ASCC2: variants seen among roughly 807,000 people sequenced by gnomAD.
ASCC2 encodes the protein activating signal cointegrator 1 complex subunit 2.
A neutral mutation model predicts 93.5 loss-of-function variants in ASCC2; 42 were observed. The observed-to-expected ratio is 0.45, with a 90% CI of 0.35 to 0.58. The LOEUF (loss-of-function observed/expected upper bound fraction) is 0.58. Ranked by LOEUF, ASCC2 falls within the 20% of genes least tolerant of loss-of-function variation. The pLI, the probability that ASCC2 is intolerant of heterozygous loss-of-function variation, is 0.00. For missense variants in ASCC2, 859 were observed against 977.6 expected (o/e 0.88, Z 1.62); for synonymous variants, 364 against 384.2 (o/e 0.95, Z 0.62).
intron 1 of ASCC2, 38 bp downstream of exon 1, chr22:29,838,140 C>A: frequency 2.2e-6 from 1 of 461,242 alleles, no homozygotes; most frequent in South Asian, 1.5e-5. Context: ...TCCGGGGTCC[C>A]TTGCCCTGCA....
chr22:29,821,958 C>T (rs1318933116), intron 5 of ASCC2: 1 of 449,862 alleles, frequency 2.2e-6, no homozygotes, highest in Non-Finnish European at 4.4e-6. Context: ...ATGATTGCGC[C>T]ACTGCACTCT....
At chr22:29,794,861 C>A (rs868558756) in intron 15 of ASCC2, among the ~76,000 whole-genome samples, 2 of 152,132 alleles carry the variant, frequency 1.3e-5, no homozygotes, top group South Asian at 2.1e-4. Flanking sequence ...TCTATGGCCA[C>A]ACGCCTATGC....
chr22:29,837,237 T>TG, intron 1 of ASCC2, among the ~76,000 whole-genome samples: 1 of 149,768 alleles, frequency 6.7e-6, no homozygotes, highest in East Asian at 2.0e-4. Flanking sequence ...GAGACCATCC[T>TG]GGCTAGCAAG....
At chr22:29,795,936 A>G (rs961428001) in intron 15 of ASCC2, among the ~76,000 whole-genome samples, 12 of 151,964 alleles carry the variant, frequency 7.9e-5, no homozygotes, top group East Asian at 7.7e-4. Context: ...AAAAAAAAAA[A>G]GAAAAGACAC....
chr22:29,829,326 C>T (rs1441520852), intron 2 of ASCC2, among the ~76,000 whole-genome samples: 1 of 152,218 alleles, frequency 6.6e-6, no homozygotes, highest in Admixed American at 6.5e-5. Flanking sequence ...TTGTAGGTGT[C>T]TGGAGGCAGT....
chr22:29,803,263 C>A (rs201194993), intron 13 of ASCC2, among the ~76,000 whole-genome samples: 4 of 136,178 alleles, frequency 2.9e-5, no homozygotes, highest in African/African-American at 8.5e-5. Flanking sequence ...AAAAAAAAAA[C>A]AAAAAACAAA....
At position 29,802,311 on chromosome 22, in the gene ASCC2, G is replaced by A. The variant is rs1601892711; in HGVS notation, c.1354-103C>T. On this transcript the variant is annotated intron_variant, in intron 13 of 19. Coordinates refer to ENST00000307790, the MANE Select transcript of ASCC2 (RefSeq NM_032204.5). ...ACTAGGCATCAGGGATCTGGTTCAAGTCCTGGGATTACCCCTCCTGCCTGT... is the reference window on the plus strand; with the variant it reads ...ACTAGGCATCAGGGATCTGGTTCAAATCCTGGGATTACCCCTCCTGCCTGT... The A allele has an allele frequency of 2.6e-6, 3 of 1,159,628 alleles. No homozygotes were observed. The East Asian group carries it at 7.5e-5, about 29-fold the overall frequency. The allele number at this position is 1,159,628 out of a possible 1,614,324, so 71.8% of individuals were successfully genotyped here.
intron 19 of ASCC2, among the ~76,000 whole-genome samples, chr22:29,789,918 G>A (rs2068740598): frequency 6.6e-6 from 1 of 152,190 alleles, no homozygotes; most frequent in Non-Finnish European, 1.5e-5. Flanking sequence ...CCTGGATGAG[G>A]AGTCTCTGGG....
At chr22:29,791,355 C>T (rs988637332) in intron 18 of ASCC2, among the ~76,000 whole-genome samples, 7 of 151,746 alleles carry the variant, frequency 4.6e-5, no homozygotes, top group South Asian at 2.1e-4. Context: ...CCAGCCTAGG[C>T]GACAAAGCGA....
intron 15 of ASCC2, among the ~76,000 whole-genome samples, chr22:29,800,439 C>T (rs2058951109): frequency 6.6e-6 from 1 of 152,178 alleles, no homozygotes; most frequent in Non-Finnish European, 1.5e-5. Flanking sequence ...ATCCCCAGAA[C>T]CTAATTAATC....
chr22:29,790,560 AGAG>A lies in ASCC2; in HGVS notation c.2023-15_2023-13del, dbSNP rs754565818. On this transcript the variant is annotated splice_polypyrimidine_tract_variant and intron_variant, in intron 18 of 19. Coordinates refer to ENST00000307790, the MANE Select transcript of ASCC2 (RefSeq NM_032204.5). ...ACAAAATGGTCGGGCTGTGGAAAGGAGAGGAGACCAAATCTGGAGTCAGGAGCT... is the reference window on the plus strand; with the variant it reads ...ACAAAATGGTCGGGCTGTGGAAAGGAGAGACCAAATCTGGAGTCAGGAGCT... 1 of 1,613,340 alleles carries A rather than the reference AGAG, an allele frequency of 6.2e-7. No individual in the cohort carries two copies. Among genetic ancestry groups the A allele is most frequent in the East Asian group, 2.2e-5 (1 of 44,890 alleles).
chr22:29,789,125 C>T lies in ASCC2; in HGVS notation c.2162G>A (p.Arg721His), dbSNP rs139016848. 1.5e-5 allele frequency: 24 copies of T among 1,614,184 alleles called. No individual in the cohort carries two copies. Among genetic ancestry groups the T allele is most frequent in the South Asian group, 1.3e-4 (12 of 91,078 alleles). The change falls in exon 20 of 20, where the codon CGC becomes CAC. Residue 721 changes from arginine (R) to histidine (H), a missense_variant. Coordinates refer to ENST00000307790, the MANE Select transcript of ASCC2 (RefSeq NM_032204.5). ...CTTCCTGCGTTCCTGGGTTGTCTCG[C>T]GGCTCTGCCCATGGCCTCGGGGGCT... ...AGSPRGHGQSRETTQERRKKE... is the reference protein window; with the variant it reads ...AGSPRGHGQSHETTQERRKKE...
chr22:29,830,566 C>T (rs967639794), intron 2 of ASCC2, among the ~76,000 whole-genome samples: 1 of 10,396 alleles, frequency 9.6e-5, no homozygotes, highest in Admixed American at 1.4e-3. Flanking sequence ...ACGTACCCTC[C>T]CACCAGGCCA....
At chr22:29,824,733 T>C (rs1391773128) in intron 4 of ASCC2, among the ~76,000 whole-genome samples, 3 of 149,582 alleles carry the variant, frequency 2.0e-5, no homozygotes, top group Non-Finnish European at 4.4e-5. Context: ...AGTATTATTT[T>C]TAAAGTCAGG....
At chr22:29,800,571 T>C (rs1735984881) in intron 15 of ASCC2, among the ~76,000 whole-genome samples, 1 of 152,156 alleles carries the variant, frequency 6.6e-6, no homozygotes, top group African/African-American at 2.4e-5. Flanking sequence ...TAGAAAGGCC[T>C]TAAAGTGGAA....
chr22:29,808,148 C>G lies in ASCC2; in HGVS notation c.871G>C (p.Glu291Gln). Residue 291 changes from glutamate (E) to glutamine (Q), a missense_variant, in exon 9 of 20, where the codon GAG (glutamate) becomes CAG (glutamine). Coordinates refer to ENST00000307790, the MANE Select transcript of ASCC2 (RefSeq NM_032204.5). ...AGCCTCCTCTTCTTAATTGCAGACT[C>G]CATTTCGGGAATTGCTGCTTCGTAG... ...SFYEAAIPEM[E>Q]SAIKKRRLED... 1 of 1,614,244 alleles carries G rather than the reference C, an allele frequency of 6.2e-7. No individual in the cohort carries two copies. Among genetic ancestry groups the G allele is most frequent in the Non-Finnish European group, 8.5e-7 (1 of 1,180,044 alleles).
At position 29,825,147 on chromosome 22, in the gene ASCC2, C is replaced by T; in HGVS notation, c.351G>A (p.Lys117=). 6.4e-7 allele frequency: 1 copy of T among 1,552,854 alleles called. No homozygotes were observed. The highest frequency in any genetic ancestry group is 8.7e-7 in the Non-Finnish European group (1 of 1,151,160). Residue 117 remains lysine, a synonymous_variant, in exon 4 of 20, where the codon AAG becomes AAA. Transcript: ENST00000307790. The surrounding 1 kb of genome is among the most constrained non-coding windows in gnomAD (Gnocchi z 4.9). ...ASAPEVVDMQ[K]RLHRSVFLTF... ...TGAGAAAAACACTTCGATGGAGGCGCTTCTGCATGTCAACAACCTCAGGGG... is the reference window on the plus strand; with the variant it reads ...TGAGAAAAACACTTCGATGGAGGCGTTTCTGCATGTCAACAACCTCAGGGG...
intron 18 of ASCC2, among the ~76,000 whole-genome samples, chr22:29,791,549 C>T (rs376493993): frequency 8.9e-4 from 136 of 152,172 alleles, no homozygotes; most frequent in African/African-American, 3.1e-3. Flanking sequence ...GGCATGGTGG[C>T]GAGCTCCTGT....
In ASCC2 at chr22:29,823,035, A is replaced by T. The variant is rs918237144; in HGVS notation, c.412-571T>A. 8.8e-5 allele frequency among the ~76,000 whole-genome samples: 12 copies of T among 135,880 alleles called. No individual in the cohort carries two copies. In the South Asian group the frequency reaches 9.4e-4, roughly 11 times the overall value. The allele number at this position is 135,880 out of a possible 152,430, so 89.1% of individuals were successfully genotyped here. A position where few individuals can be genotyped will look rare whatever the true frequency, so the allele number is the denominator to read the frequency against. On this transcript the variant is annotated intron_variant, in intron 4 of 19. Coordinates refer to ENST00000307790, the MANE Select transcript of ASCC2 (RefSeq NM_032204.5). The stretch of plus-strand genomic sequence containing the variant: ...GTGCCCAGCCTCCCCTTTAAAAAAA[A>T]TTTTTTTTTAAATTTTATTTTTTGA...
Sources: gnomAD v4.1 joint callset for allele counts (sites outside exome capture counted in the v4.1 genomes callset) on GRCh38, gnomAD v4.1.1 for gene constraint, Gnocchi (gnomAD v3.1) non-coding constraint, MANE v1.5 for transcripts, NCBI Gene and HGNC (gene_info 2026-07-23, HGNC 2026-07-21) for gene names.